The following MUSK variants were observed in gnomAD, a reference collection of about 807,000 sequenced individuals.
MUSK encodes the protein muscle associated receptor tyrosine kinase, also known as muscle, skeletal receptor tyrosine-protein kinase.
In MUSK, 55 loss-of-function variants were observed where a neutral mutation model predicts 88.7. The ratio of observed to expected loss-of-function variants is 0.62; its 90% CI spans 0.50 to 0.78. MUSK has a LOEUF of 0.78. Among genes scored for constraint, MUSK ranks in the 30% least tolerant of loss-of-function variants. The pLI is 0.00. For missense variants in MUSK, 1,015 were observed against 1,074.3 expected (o/e 0.94, Z 0.77); for synonymous variants, 387 against 391.9 (o/e 0.99, Z 0.15).
intron 10 of MUSK, 78 bp downstream of exon 10, chr9:110,776,041 GC>G: frequency 6.9e-7 from 1 of 1,452,302 alleles, no homozygotes; most frequent in Non-Finnish European, 9.2e-7. Flanking sequence ...TGAACTTAAA[GC>G]TTCTAATATT....
chr9:110,704,759 G>A (rs969072171), intron 5 of MUSK, among the ~76,000 whole-genome samples: 4 of 152,074 alleles, frequency 2.6e-5, no homozygotes, highest in South Asian at 4.1e-4. Flanking sequence ...GCCGAGGTGG[G>A]CGAATCACGA....
intron 5 of MUSK, among the ~76,000 whole-genome samples, chr9:110,706,486 A>G (rs983376886): frequency 1.3e-5 from 2 of 152,066 alleles, no homozygotes; most frequent in Admixed American, 1.3e-4. Flanking sequence ...AGAGTGATCT[A>G]TGTTGTTTTT....
intron 11 of MUSK, among the ~76,000 whole-genome samples, chr9:110,777,035 G>A (rs958176026): frequency 6.6e-6 from 1 of 151,984 alleles, no homozygotes; most frequent in African/African-American, 2.4e-5. Context: ...TCTTCATTGA[G>A]CCAATTCATG....
At chr9:110,689,085 T>C (rs557320318) in intron 3 of MUSK, among the ~76,000 whole-genome samples, 2 of 138,490 alleles carry the variant, frequency 1.4e-5, no homozygotes, top group Admixed American at 7.5e-5. Flanking sequence ...TATAGTTATA[T>C]ATTTACATTT....
intron 7 of MUSK, among the ~76,000 whole-genome samples, chr9:110,748,687 C>T (rs1441142988): frequency 1.3e-5 from 2 of 152,098 alleles, no homozygotes; most frequent in Non-Finnish European, 2.9e-5. Flanking sequence ...GTGCCTAGGG[C>T]CAACTCCCCA....
At chr9:110,728,247 G>C (rs935487146) in intron 5 of MUSK, 4 of 164,204 alleles carry the variant, frequency 2.4e-5, no homozygotes, top group African/African-American at 9.6e-5. Flanking sequence ...CCATAGAAAT[G>C]ATAGCTGAGA....
intron 5 of MUSK, among the ~76,000 whole-genome samples, chr9:110,733,428 T>C (rs931528222): frequency 5.3e-5 from 8 of 152,106 alleles, no homozygotes; most frequent in South Asian, 2.1e-4. Context: ...TTGTAATGCA[T>C]TGTGAGCCTC....
At chr9:110,762,025 G>T (rs1350992282) in intron 7 of MUSK, 177 bp from the exon 8 acceptor site, 1 of 868,050 alleles carries the variant, frequency 1.2e-6, no homozygotes, top group Middle Eastern at 5.8e-4. Context: ...CATTTCCTCC[G>T]AATCTGCCCA....
chr9:110,690,161 T>C (rs1370185592), intron 3 of MUSK, among the ~76,000 whole-genome samples: 2 of 101,356 alleles, frequency 2.0e-5, no homozygotes, highest in Admixed American at 2.8e-4. Context: ...TAAGTATAAA[T>C]ATATAAATAT....
Position 110,802,335 on chromosome 9 carries a change from T to C in MUSK, c.*1347T>C, listed in dbSNP as rs747721203. On this transcript the variant is annotated 3_prime_UTR_variant, in exon 15 of 15. Coordinates refer to ENST00000374448, the MANE Select transcript of MUSK (RefSeq NM_005592.4). ...TAAGTCCATACATGATCTGAGTTTA[T>C]TTCTGATATAGCAGGAACCCAAATT... is the stretch of plus-strand genomic sequence containing the variant. Among the ~76,000 whole-genome samples, 3 of 152,206 alleles carry C rather than the reference T, an allele frequency of 2.0e-5. No homozygotes were observed. The highest frequency in any genetic ancestry group is 2.9e-5 in the Non-Finnish European group (2 of 68,044).
chr9:110,728,770 A>T (rs970122890), intron 5 of MUSK: 1 of 1,466,106 alleles, frequency 6.8e-7, no homozygotes, highest in Non-Finnish European at 9.1e-7. Flanking sequence ...GCTCTTTTCA[A>T]TTGTTTATTT....
intron 1 of MUSK, among the ~76,000 whole-genome samples, chr9:110,676,784 T>G (rs1393693512): frequency 6.6e-6 from 1 of 152,232 alleles, no homozygotes; most frequent in African/African-American, 2.4e-5. Flanking sequence ...CACATTTTCT[T>G]TATCCAGTCT....
intron 3 of MUSK, among the ~76,000 whole-genome samples, chr9:110,689,743 T>TATATATAATA (rs1417062202): frequency 0.13 from 9,458 of 72,044 alleles, 1,402 homozygotes; most frequent in African/African-American, 0.31. Flanking sequence ...ATATATAATA[T>TATATATAATA]TATATATTAT....
intron 3 of MUSK, 95 bp from the exon 4 acceptor site, chr9:110,695,308 C>T (rs1587917469): frequency 2.2e-6 from 2 of 908,650 alleles, no homozygotes; most frequent in South Asian, 2.6e-5. Flanking sequence ...AAATGATTCT[C>T]AAAACAGATG....
intron 3 of MUSK, among the ~76,000 whole-genome samples, chr9:110,693,682 C>T (rs909563330): frequency 1.3e-5 from 2 of 152,174 alleles, no homozygotes; most frequent in African/African-American, 2.4e-5. Flanking sequence ...ATTCCTCACC[C>T]CTCACCTAAC....
At chr9:110,716,494 CTG>C (rs2076745487) in intron 5 of MUSK, among the ~76,000 whole-genome samples, 2 of 150,122 alleles carry the variant, frequency 1.3e-5, no homozygotes, top group African/African-American at 5.0e-5. Flanking sequence ...GAGAAATACT[CTG>C]TAGCATTTAT....
chr9:110,689,579 T>A (rs1240499821), intron 3 of MUSK, among the ~76,000 whole-genome samples: 1 of 105,856 alleles, frequency 9.4e-6, no homozygotes, highest in Non-Finnish European at 1.7e-5. Flanking sequence ...TTTATATATT[T>A]TTTACTACAT....
At chr9:110,713,753 T>C (rs1287592180) in intron 5 of MUSK, among the ~76,000 whole-genome samples, 1 of 152,152 alleles carries the variant, frequency 6.6e-6, no homozygotes, top group Non-Finnish European at 1.5e-5. Context: ...TGGCTTCTAT[T>C]TATTTTTCCA....
chr9:110,679,456 C>G (rs2076078633), intron 1 of MUSK, among the ~76,000 whole-genome samples: 1 of 151,478 alleles, frequency 6.6e-6, no homozygotes, highest in Non-Finnish European at 1.5e-5. Flanking sequence ...TTTAACATTT[C>G]TGTTTTATTT....
Sources: allele counts gnomAD v4.1 joint callset (sites outside exome capture counted in the v4.1 genomes callset), GRCh38; gene constraint gnomAD v4.1.1; transcripts MANE v1.5; gene names NCBI Gene and HGNC (gene_info 2026-07-23, HGNC 2026-07-21).